ANTXR1: variants seen among roughly 807,000 people sequenced by gnomAD.
ANTXR1 encodes the protein anthrax toxin receptor 1.
ANTXR1 carries 19 observed loss-of-function variants against 78.1 expected under a neutral mutation model. The ratio of observed to expected loss-of-function variants is 0.24; its 90% CI spans 0.17 to 0.36. The LOEUF (loss-of-function observed/expected upper bound fraction) is 0.36. Among genes scored for constraint, ANTXR1 ranks in the 10% least tolerant of loss-of-function variants. The probability of loss-of-function intolerance (pLI) is 1.00; values close to 1 mark genes in which losing one functional copy is unlikely to be tolerated. For synonymous variants in ANTXR1, 273 were observed against 260.5 expected (o/e 1.05, Z -0.46); for missense variants, 518 against 718.6 (o/e 0.72, Z 3.19).
intron 16 of ANTXR1, among the ~76,000 whole-genome samples, chr2:69,183,157 C>G (rs1349350171): frequency 6.6e-6 from 1 of 152,174 alleles, no homozygotes; most frequent in Non-Finnish European, 1.5e-5. Context: ...ATGCTAATCT[C>G]TACTCCTTTT....
intron 17 of ANTXR1, among the ~76,000 whole-genome samples, chr2:69,226,035 G>C (rs949213498): frequency 2.0e-5 from 3 of 152,092 alleles, no homozygotes; most frequent in African/African-American, 7.2e-5. Flanking sequence ...ACTGCAGTGT[G>C]TCCCCACACT....
At chr2:69,118,943 C>A (rs764048310) in intron 10 of ANTXR1, among the ~76,000 whole-genome samples, 18 of 152,178 alleles carry the variant, frequency 1.2e-4, no homozygotes, top group Non-Finnish European at 2.4e-4. Context: ...CTCCACAGAG[C>A]AGGCCCACAG....
Position 69,013,766 on chromosome 2 carries a change from C to T in ANTXR1, c.152+115C>T. 6.6e-7 allele frequency: 1 copy of T among 1,506,708 alleles called. No homozygotes were observed. The highest frequency in any genetic ancestry group is 9.0e-7 in the Non-Finnish European group (1 of 1,109,474). 93.3% of individuals were successfully genotyped at this position (1,506,708 alleles called of 1,614,324 possible). ...GGACAGGAGCGCATCTCCAGGGCCA[C>T]AGAGGGACCGCGCGGCAGGCGGCGG... On this transcript the variant is annotated intron_variant, in intron 1 of 17. Transcript: ENST00000303714. The surrounding 1 kb of genome is among the most constrained non-coding windows in gnomAD (Gnocchi z 5.0).
chr2:69,046,744 G>T (rs1669780307), intron 3 of ANTXR1, among the ~76,000 whole-genome samples: 1 of 152,294 alleles, frequency 6.6e-6, no homozygotes, highest in Admixed American at 6.5e-5. Flanking sequence ...AGCTAGTACT[G>T]CTTCTGAAAT....
chr2:69,092,178 G>A (rs1671263006), intron 9 of ANTXR1, among the ~76,000 whole-genome samples: 1 of 152,122 alleles, frequency 6.6e-6, no homozygotes, highest in African/African-American at 2.4e-5. Context: ...AACCTGATAA[G>A]GTAGGAAGCA....
chr2:69,210,283 G>A (rs1675007948), intron 17 of ANTXR1, among the ~76,000 whole-genome samples: 1 of 152,190 alleles, frequency 6.6e-6, no homozygotes, highest in South Asian at 2.1e-4. Context: ...CTGACAGATT[G>A]TCATTATTTA....
chr2:69,215,415 T>C (rs1327619069), intron 17 of ANTXR1, among the ~76,000 whole-genome samples: 1 of 152,218 alleles, frequency 6.6e-6, no homozygotes, highest in Non-Finnish European at 1.5e-5. Flanking sequence ...TTAGAATATC[T>C]TACAGCTCAG....
chr2:69,043,304 A>G (rs1199594057), intron 2 of ANTXR1, among the ~76,000 whole-genome samples: 1 of 152,222 alleles, frequency 6.6e-6, no homozygotes, highest in Non-Finnish European at 1.5e-5. Flanking sequence ...ATGAACTATC[A>G]GGATTGGTAC....
intron 2 of ANTXR1, among the ~76,000 whole-genome samples, chr2:69,041,770 G>A (rs1232087011): frequency 6.6e-6 from 1 of 152,136 alleles, no homozygotes; most frequent in Non-Finnish European, 1.5e-5. Flanking sequence ...GGGATTAAGA[G>A]AACCCTTAAT....
At chr2:69,043,911 G>C (rs531703188) in intron 2 of ANTXR1, among the ~76,000 whole-genome samples, 1 of 152,138 alleles carries the variant, frequency 6.6e-6, no homozygotes, top group Non-Finnish European at 1.5e-5. Context: ...TTCAGAGCCC[G>C]ATCAGGTGTG....
At chr2:69,207,490 C>A (rs1674935568) in intron 17 of ANTXR1, among the ~76,000 whole-genome samples, 1 of 152,148 alleles carries the variant, frequency 6.6e-6, no homozygotes, top group South Asian at 2.1e-4. Flanking sequence ...GAGAGAGATG[C>A]AGTTTCACGT....
chr2:69,168,248 T>C lies in ANTXR1; in HGVS notation c.1048-2000T>C, dbSNP rs28567571. Among the ~76,000 whole-genome samples, 1,193 of 152,352 alleles carry C rather than the reference T, an allele frequency of 7.8e-3. 13 individuals carry two copies. The highest frequency in any genetic ancestry group is 0.027 in the African/African-American group (1,127 of 41,582). On this transcript the variant is annotated intron_variant, in intron 13 of 17. Coordinates refer to ENST00000303714, the MANE Select transcript of ANTXR1 (RefSeq NM_032208.3). ...CAACAAGAAAGGGAAAGGAGAGTAT[T>C]AATAGCATGCAGCATCTATTGAGCA...
At chr2:69,143,333 G>A (rs1490171011) in intron 12 of ANTXR1, among the ~76,000 whole-genome samples, 26 of 152,184 alleles carry the variant, frequency 1.7e-4, no homozygotes, top group Non-Finnish European at 3.5e-4. Flanking sequence ...TATTGGGGAA[G>A]GAAGAGAGGG....
chr2:69,073,319 A>G (rs2104217192), intron 6 of ANTXR1, among the ~76,000 whole-genome samples: 1 of 152,328 alleles, frequency 6.6e-6, no homozygotes, highest in African/African-American at 2.4e-5. Context: ...CAAAATTTTT[A>G]CATATTACTC....
chr2:69,058,881 T>G (rs925252590), intron 3 of ANTXR1, among the ~76,000 whole-genome samples: 38 of 152,204 alleles, frequency 2.5e-4, no homozygotes, highest in African/African-American at 8.9e-4. Flanking sequence ...TAGAAGAAGT[T>G]GATTCTAACT....
chr2:69,052,913 T>C (rs1379769326), intron 3 of ANTXR1, among the ~76,000 whole-genome samples: 2 of 152,192 alleles, frequency 1.3e-5, no homozygotes, highest in Non-Finnish European at 2.9e-5. Context: ...ATTGCATTTT[T>C]CAATTGACAA....
At chr2:69,122,956 A>G (rs572417841) in intron 10 of ANTXR1, 61 bp from the exon 11 acceptor site, 1 of 1,554,732 alleles carries the variant, frequency 6.4e-7, no homozygotes, top group African/African-American at 1.4e-5. Context: ...TCTAGAAGTC[A>G]TTGAATTTGA....
At chr2:69,039,736 C>A (rs1040333084) in intron 1 of ANTXR1, among the ~76,000 whole-genome samples, 19 of 151,746 alleles carry the variant, frequency 1.3e-4, no homozygotes, top group Admixed American at 1.2e-3. Context: ...CTCGAAGACG[C>A]AAAACTCATT....
intron 9 of ANTXR1, among the ~76,000 whole-genome samples, chr2:69,100,607 C>T (rs557548689): frequency 6.6e-5 from 10 of 152,332 alleles, no homozygotes; most frequent in South Asian, 4.1e-4. Flanking sequence ...TGCATTTCCA[C>T]AGTCTTCTCT....
Sources: gnomAD v4.1 joint callset for allele counts (sites outside exome capture counted in the v4.1 genomes callset) on GRCh38, gnomAD v4.1.1 for gene constraint, Gnocchi (gnomAD v3.1) non-coding constraint, MANE v1.5 for transcripts, NCBI Gene and HGNC (gene_info 2026-07-23, HGNC 2026-07-21) for gene names.